Variants in GLI3 observed in about 807,000 individuals in gnomAD.
The protein encoded by GLI3 is GLI family zinc finger 3, also known as transcription activator GLI3.
In GLI3, 20 loss-of-function variants were observed where a neutral mutation model predicts 100.8. That is an observed-to-expected ratio of 0.20 (90% confidence interval 0.14 to 0.29). The LOEUF (loss-of-function observed/expected upper bound fraction) is 0.29, where lower values mean the gene tolerates loss of function less well. GLI3 is among the 10% of genes least tolerant of loss of function. GLI3 has a pLI of 1.00. For missense variants in GLI3, 2,040 were observed against 2,128.5 expected, an observed-to-expected ratio of 0.96 and a Z score of 0.82; for synonymous variants, 938 against 860.5, an observed-to-expected ratio of 1.09 and a Z score of -1.58.
intron 3 of GLI3, among the ~76,000 whole-genome samples, chr7:42,121,951 G>A (rs537984009): frequency 6.6e-6 from 1 of 152,238 alleles, no homozygotes; most frequent in East Asian, 1.9e-4. Context: ...ACAAGTGGAA[G>A]GTTTCTGAGA....
chr7:42,170,266 TTATATATA>T (rs148558582), intron 2 of GLI3, among the ~76,000 whole-genome samples: 5 of 137,688 alleles, frequency 3.6e-5, no homozygotes, highest in Non-Finnish European at 7.7e-5. Context: ...AAAAAAAAAA[TTATATATA>T]TATATATATA....
At chr7:42,198,815 T>C (rs980431392) in intron 2 of GLI3, among the ~76,000 whole-genome samples, 16 of 151,336 alleles carry the variant, frequency 1.1e-4, no homozygotes, top group African/African-American at 3.9e-4. Flanking sequence ...ACAGATTAAC[T>C]CTCTTGCAGA....
intron 1 of GLI3, among the ~76,000 whole-genome samples, chr7:42,248,888 C>G (rs1789002467): frequency 6.6e-6 from 1 of 151,898 alleles, no homozygotes; most frequent in Non-Finnish European, 1.5e-5. Context: ...TCCCTAGGCT[C>G]AGGTGGTCCT....
At chr7:41,986,170 G>C (rs1583757814) in intron 10 of GLI3, among the ~76,000 whole-genome samples, 1 of 152,102 alleles carries the variant, frequency 6.6e-6, no homozygotes, top group East Asian at 1.9e-4. Flanking sequence ...TGAATATTAA[G>C]AATTAGGACG....
chr7:42,063,210 T>C (rs1562710497), intron 4 of GLI3, among the ~76,000 whole-genome samples: 1 of 152,216 alleles, frequency 6.6e-6, no homozygotes, highest in South Asian at 2.1e-4. Context: ...AGGTCCATTA[T>C]TGTAACATTT....
intron 3 of GLI3, among the ~76,000 whole-genome samples, chr7:42,110,166 C>A (rs554944428): frequency 3.3e-5 from 5 of 152,262 alleles, no homozygotes. Context: ...ACAGAGGAAC[C>A]AACCTCTGTC....
chr7:42,071,614 G>C (rs975931557), intron 4 of GLI3, among the ~76,000 whole-genome samples: 3 of 152,142 alleles, frequency 2.0e-5, no homozygotes, highest in Admixed American at 1.3e-4. Context: ...ATTTAGGGGA[G>C]GGGAACTCAG....
At chr7:42,252,589 C>G (rs1398329426) in intron 1 of GLI3, among the ~76,000 whole-genome samples, 1 of 152,098 alleles carries the variant, frequency 6.6e-6, no homozygotes, top group Non-Finnish European at 1.5e-5. Context: ...TTGGAGCAAG[C>G]TGGATAGAAT....
intron 1 of GLI3, among the ~76,000 whole-genome samples, chr7:42,243,792 C>T (rs1788946614): frequency 6.6e-6 from 1 of 152,126 alleles, no homozygotes. Flanking sequence ...CTGTGCTCTG[C>T]CTCACCTGTG....
intron 13 of GLI3, among the ~76,000 whole-genome samples, chr7:41,968,733 A>AAAGAAAGAAAGAAAG (rs1787270579): frequency 8.8e-6 from 1 of 113,614 alleles, no homozygotes; most frequent in African/African-American, 4.7e-5. Flanking sequence ...AGAAAGAAAG[A>AAAGAAAGAAAGAAAG]AAGAAAGAAA....
At chr7:42,221,264 G>C (rs957439863) in intron 2 of GLI3, among the ~76,000 whole-genome samples, 5 of 152,154 alleles carry the variant, frequency 3.3e-5, no homozygotes, top group African/African-American at 1.2e-4. Context: ...AAGACCTCCT[G>C]AGAATGTGTC....
intron 10 of GLI3, among the ~76,000 whole-genome samples, chr7:42,019,860 G>T (rs949744591): frequency 6.6e-6 from 1 of 151,344 alleles, no homozygotes; most frequent in Non-Finnish European, 1.5e-5. Flanking sequence ...AGTTTTAACC[G>T]ACACCAAGAA....
At chr7:42,015,250 CT>C (rs1562685946) in intron 10 of GLI3, among the ~76,000 whole-genome samples, 1 of 152,152 alleles carries the variant, frequency 6.6e-6, no homozygotes, top group African/African-American at 2.4e-5. Context: ...ATCTGGTGTT[CT>C]TCCCATCCCC....
At chr7:42,090,604 C>T (rs1785197085) in intron 3 of GLI3, among the ~76,000 whole-genome samples, 1 of 152,146 alleles carries the variant, frequency 6.6e-6, no homozygotes, top group Admixed American at 6.6e-5. Flanking sequence ...CTCTCTTGCC[C>T]TCAAGCATTC....
At chr7:42,098,815 T>A (rs1785396252) in intron 3 of GLI3, among the ~76,000 whole-genome samples, 1 of 152,086 alleles carries the variant, frequency 6.6e-6, no homozygotes, top group Non-Finnish European at 1.5e-5. Context: ...AGTATAGAAC[T>A]CTCTTTATCC....
intron 4 of GLI3, among the ~76,000 whole-genome samples, chr7:42,075,211 T>C (rs1183691718): frequency 6.6e-6 from 1 of 152,232 alleles, no homozygotes; most frequent in Admixed American, 6.5e-5. Flanking sequence ...TAGTTCAGCC[T>C]ATTATATAAA....
At chr7:42,088,123 C>T (rs1583546108) in intron 3 of GLI3, among the ~76,000 whole-genome samples, 1 of 152,180 alleles carries the variant, frequency 6.6e-6, no homozygotes, top group African/African-American at 2.4e-5. Flanking sequence ...TCTATTTCTC[C>T]TTTCTCTGCA....
intron 3 of GLI3, among the ~76,000 whole-genome samples, chr7:42,115,544 A>C (rs1157727907): frequency 1.3e-5 from 2 of 152,192 alleles, no homozygotes; most frequent in South Asian, 4.1e-4. Context: ...CTGATAGTTC[A>C]GGTGACGTGG....
At chr7:42,002,426 T>C (rs1166324512) in intron 10 of GLI3, among the ~76,000 whole-genome samples, 10 of 152,128 alleles carry the variant, frequency 6.6e-5, no homozygotes. Flanking sequence ...TAAAACCTGT[T>C]AAAATAGGAG....
Sources: allele counts gnomAD v4.1 joint callset (sites outside exome capture counted in the v4.1 genomes callset), GRCh38; gene constraint gnomAD v4.1.1; transcripts MANE v1.5; gene names NCBI Gene and HGNC (gene_info 2026-07-23, HGNC 2026-07-21).